The following SOX6 variants were observed in gnomAD, a reference collection of about 807,000 sequenced individuals.
SOX6 encodes transcription factor SOX-6.
In SOX6, 11 loss-of-function variants were observed where a neutral mutation model predicts 97.8. The observed-to-expected ratio is 0.11, with a 90% CI of 0.07 to 0.19. The LOEUF (loss-of-function observed/expected upper bound fraction) is 0.19. Ranked by LOEUF, SOX6 falls within the 10% of genes least tolerant of loss-of-function variation. SOX6 has a pLI of 1.00. For missense variants in SOX6, 810 were observed against 1,039.5 expected (o/e 0.78, Z 3.04); for synonymous variants, 360 against 371.4 (o/e 0.97, Z 0.35).
intron 1 of SOX6, among the ~76,000 whole-genome samples, chr11:16,471,783 G>T (rs1436419653): frequency 3.3e-5 from 5 of 152,166 alleles, no homozygotes; most frequent in African/African-American, 1.2e-4. Context: ...AAAAGGTTCT[G>T]CAGTCAGGAG....
intron 3 of SOX6, among the ~76,000 whole-genome samples, chr11:16,713,253 T>TA (rs1554902287): frequency 6.6e-6 from 1 of 152,010 alleles, no homozygotes; most frequent in Non-Finnish European, 1.5e-5. Context: ...TACAAACTAA[T>TA]AAAAAACTAG....
intron 6 of SOX6, among the ~76,000 whole-genome samples, chr11:16,158,738 G>T (rs967577188): frequency 9.9e-5 from 15 of 151,830 alleles, no homozygotes; most frequent in Non-Finnish European, 4.4e-5. Flanking sequence ...ATAAAATTTT[G>T]CTCTATGTGA....
intron 9 of SOX6, among the ~76,000 whole-genome samples, chr11:16,057,844 G>A (rs1002462346): frequency 6.6e-6 from 1 of 152,038 alleles, no homozygotes; most frequent in Non-Finnish European, 1.5e-5. Flanking sequence ...TTGTTATTAA[G>A]GAAGCCTGAC....
chr11:16,600,885 A>G (rs1180667346), intron 4 of SOX6, among the ~76,000 whole-genome samples: 3 of 152,238 alleles, frequency 2.0e-5, no homozygotes, highest in South Asian at 2.1e-4. Context: ...AGGATATGCT[A>G]CACATTTAAA....
chr11:16,268,553 C>A (rs1271837150), intron 3 of SOX6, among the ~76,000 whole-genome samples: 1 of 151,094 alleles, frequency 6.6e-6, no homozygotes, highest in South Asian at 2.1e-4. Flanking sequence ...AGTAACAGAG[C>A]TTCAAAATAT....
In SOX6 at chr11:16,605,502, A is replaced by G. The variant is rs1848324208; in HGVS notation, n.609+6579T>C. Among the ~76,000 whole-genome samples the G allele has an allele frequency of 6.6e-6, 1 of 151,874 alleles. No homozygotes were observed. The highest frequency in any genetic ancestry group is 2.4e-5 in the African/African-American group (1 of 41,342). ...AGGGGGAAGGAAGGGCGACAAGCGG[A>G]GGGAGCTGGAGGCAACTCGAGCGGT... On this transcript the variant is annotated intron_variant and non_coding_transcript_variant, in intron 4 of 5. Coordinates refer to the SOX6 transcript ENST00000524520. This position sits in a 1 kb window ranked among gnomAD's most constrained non-coding sequence, Gnocchi z 5.3.
At chr11:16,174,260 A>G (rs2134088376) in intron 6 of SOX6, among the ~76,000 whole-genome samples, 1 of 152,048 alleles carries the variant, frequency 6.6e-6, no homozygotes, top group African/African-American at 2.4e-5. Context: ...ACATACATGT[A>G]TCAAAAGTTA....
chr11:16,540,803 T>G (rs916772367), intron 4 of SOX6, among the ~76,000 whole-genome samples: 6 of 152,244 alleles, frequency 3.9e-5, no homozygotes, highest in Middle Eastern at 3.4e-3. Context: ...TACAAACCAC[T>G]GCTCAATGAA....
At chr11:16,629,948 C>G (rs941051583) in intron 3 of SOX6, among the ~76,000 whole-genome samples, 1 of 151,946 alleles carries the variant, frequency 6.6e-6, no homozygotes, top group African/African-American at 2.4e-5. Context: ...GTAATGTCAC[C>G]TTTTGTCATT....
chr11:16,450,796 C>A (rs1400918718), intron 1 of SOX6, among the ~76,000 whole-genome samples: 1 of 152,020 alleles, frequency 6.6e-6, no homozygotes, highest in Non-Finnish European at 1.5e-5. Context: ...CTAAGAAAAC[C>A]CAGATTGCTA....
chr11:16,087,300 T>G (rs2133963005), intron 9 of SOX6, among the ~76,000 whole-genome samples: 1 of 152,266 alleles, frequency 6.6e-6, no homozygotes, highest in East Asian at 1.9e-4. Context: ...TTTTAAAAAT[T>G]TTGTTTTAGA....
chr11:16,127,103 T>C (rs550385227), intron 6 of SOX6, among the ~76,000 whole-genome samples: 68 of 152,204 alleles, frequency 4.5e-4, no homozygotes, highest in African/African-American at 1.4e-3. Flanking sequence ...TTATTTCACT[T>C]GATGAAAAAA....
At chr11:16,716,856 T>C (rs559465226) in intron 2 of SOX6, among the ~76,000 whole-genome samples, 1 of 151,948 alleles carries the variant, frequency 6.6e-6, no homozygotes, top group African/African-American at 2.4e-5. Context: ...CAGAAAAAAA[T>C]TAATTTATGA....
chr11:16,381,797 A>C (rs920484439), intron 1 of SOX6, among the ~76,000 whole-genome samples: 2 of 151,766 alleles, frequency 1.3e-5, no homozygotes, highest in African/African-American at 4.8e-5. Context: ...CCAAAACCCA[A>C]ACATACACAC....
At chr11:16,211,684 C>A (rs1852238367) in intron 4 of SOX6, among the ~76,000 whole-genome samples, 1 of 152,010 alleles carries the variant, frequency 6.6e-6, no homozygotes, top group Non-Finnish European at 1.5e-5. Context: ...GAGCTAAGAC[C>A]AGGGAGAAGA....
intron 3 of SOX6, among the ~76,000 whole-genome samples, chr11:16,240,583 T>C (rs1853165674): frequency 6.6e-6 from 1 of 152,140 alleles, no homozygotes. Flanking sequence ...GTTATCTCTT[T>C]TATCTGCTTT....
intron 4 of SOX6, among the ~76,000 whole-genome samples, chr11:16,490,556 A>G (rs1860495684): frequency 6.6e-6 from 1 of 152,086 alleles, no homozygotes; most frequent in Admixed American, 6.6e-5. Flanking sequence ...AGAAAACTAT[A>G]ATATCAGACA....
intron 3 of SOX6, among the ~76,000 whole-genome samples, chr11:16,708,675 A>C (rs907697177): frequency 6.6e-6 from 1 of 152,212 alleles, no homozygotes; most frequent in Non-Finnish European, 1.5e-5. Flanking sequence ...GCTACTCATT[A>C]AATTATAAAC....
chr11:16,714,414 C>T (rs1309270773), intron 3 of SOX6, among the ~76,000 whole-genome samples: 1 of 150,162 alleles, frequency 6.7e-6, no homozygotes, highest in Non-Finnish European at 1.5e-5. Flanking sequence ...TGTTATTTAC[C>T]TACCAGTTGT....
Sources: gnomAD v4.1 joint callset for allele counts (sites outside exome capture counted in the v4.1 genomes callset) on GRCh38, gnomAD v4.1.1 for gene constraint, Gnocchi (gnomAD v3.1) non-coding constraint, MANE v1.5 for transcripts, NCBI Gene and HGNC (gene_info 2026-07-23, HGNC 2026-07-21) for gene names.